The following CDK5RAP3 variants were observed in gnomAD, a reference collection of about 807,000 sequenced individuals.
CDK5RAP3 encodes CDK5 regulatory subunit-associated protein 3.
CDK5RAP3 carries 58 observed loss-of-function variants against 73.3 expected under a neutral mutation model. That is an observed-to-expected ratio of 0.79 (90% confidence interval 0.64 to 0.98). The LOEUF (loss-of-function observed/expected upper bound fraction) is 0.98. Among genes scored for constraint, CDK5RAP3 ranks in the 50% least tolerant of loss-of-function variants. The pLI is 0.00. For synonymous variants in CDK5RAP3, 224 were observed against 247.5 expected (o/e 0.91, Z 0.89); for missense variants, 525 against 615.8 (o/e 0.85, Z 1.56).
At chr17:47,968,513 G>GT (rs1209476720), upstream of CDK5RAP3, among the ~76,000 whole-genome samples, 2 of 146,778 alleles carry the variant, frequency 1.4e-5, no homozygotes, top group African/African-American at 2.5e-5. Flanking sequence ...TTGTTTGTTT[G>GT]TTTTTTGTTT....
chr17:47,970,428 C>T (rs913379030), upstream of CDK5RAP3: 1 of 521,900 alleles, frequency 1.9e-6, no homozygotes, highest in Non-Finnish European at 3.4e-6. Flanking sequence ...GTTGCTTGCA[C>T]CCCTCTTGCA....
Position 47,980,967 on chromosome 17 carries a change from A to G in CDK5RAP3, c.1283+169A>G, listed in dbSNP as rs577074105. The G allele has an allele frequency of 3.0e-4, 257 of 853,890 alleles. No homozygotes were observed. The African/African-American group carries it at 3.9e-3, about 13-fold the overall frequency. 52.9% of individuals were successfully genotyped at this position (853,890 alleles called of 1,614,324 possible). The stretch of plus-strand genomic sequence containing the variant: ...CAAGAGGGGGAGGTTTCACATATAC[A>G]GGAAGAATCTGCTTGCTTCCTGAGT... On this transcript the variant is annotated intron_variant, in intron 12 of 13. Transcript: ENST00000338399.
rs1324933213 is a variant in CDK5RAP3, at chr17:47,975,635, T to C, written c.635T>C (p.Val212Ala). ...GEAIDVYQAS[V>A]GFVCESPTEQ... Reference sequence around the variant, plus strand: ...GCCATTGACGTGTACCAGGCGTCTGTGGGGTTTGTGTGTGAGAGGTAGAGA... The same window carrying C: ...GCCATTGACGTGTACCAGGCGTCTGCGGGGTTTGTGTGTGAGAGGTAGAGA... The change falls in exon 7 of 14, where the codon GTG (valine) becomes GCG (alanine). Residue 212 changes from valine (V) to alanine (A), a missense_variant. Val to Ala is a moderately conservative substitution (Grantham distance 64). This residue lies in a region of CDK5RAP3 where 409 missense variants were observed against 429.8 expected (regional missense o/e 0.95). Coordinates refer to ENST00000338399, the MANE Select transcript of CDK5RAP3 (RefSeq NM_176096.3). 1 of 1,602,916 alleles carries C rather than the reference T, an allele frequency of 6.2e-7. No individual in the cohort carries two copies. Among genetic ancestry groups the C allele is most frequent in the Non-Finnish European group, 8.5e-7 (1 of 1,178,516 alleles).
In CDK5RAP3 at chr17:47,975,662, G is replaced by A. The variant is rs745875058; in HGVS notation, c.653+9G>A. ...GGGTTTGTGTGTGAGAGGTAGAGAG[G>A]CCTCAGCTTCTCCTGGTGGGGGTGC... On this transcript the variant is annotated intron_variant, in intron 7 of 13. Transcript: ENST00000338399. 9.4e-6 allele frequency: 15 copies of A among 1,589,226 alleles called. No individual in the cohort carries two copies. In the East Asian group the frequency reaches 3.4e-4, roughly 36 times the overall value.
rs184622940 is a variant in CDK5RAP3, at chr17:47,976,731, G to A, written c.818G>A (p.Gly273Glu). 1.9e-6 allele frequency: 3 copies of A among 1,612,090 alleles called. No individual in the cohort carries two copies. The highest frequency in any genetic ancestry group is 2.2e-5 in the East Asian group (1 of 44,816). ...TTCCAGATTGACTGGGGCGACTTTG[G>A]GGTAGAGGCAGTGTCTGAGGGGACT... The part of the protein sequence containing the change: ...AEDAIDWGDF[G>E]VEAVSEGTDS... Residue 273 changes from glycine to glutamate, a missense_variant, in exon 9 of 14, where the codon GGG (glycine) becomes GAG (glutamate). Physicochemically the swap from Gly to Glu is moderately conservative, Grantham distance 98. Transcript: ENST00000338399.
chr17:47,970,944 C>T, upstream of CDK5RAP3: 1 of 1,452,834 alleles, frequency 6.9e-7, no homozygotes, highest in Non-Finnish European at 9.0e-7. Context: ...CCCGCCCCTC[C>T]CGAGCTCAGC....
At chr17:47,974,983 G>T in intron 5 of CDK5RAP3, 176 bp from the exon 6 acceptor site, 1 of 1,487,852 alleles carries the variant, frequency 6.7e-7, no homozygotes, top group Non-Finnish European at 8.9e-7. Context: ...CTGTTTTACC[G>T]ATGAGGGTTG....
At position 47,974,418 on chromosome 17, in the gene CDK5RAP3, G is replaced by T. The variant is rs750889798; in HGVS notation, c.304G>T (p.Ala102Ser). The T allele has an allele frequency of 3.1e-6, 5 of 1,614,150 alleles. No homozygotes were observed. The East Asian group carries it at 1.1e-4, about 36-fold the overall frequency. Reference protein sequence around the residue: ...QRMKDWQEIIALYEKDNTYLV... With the variant: ...QRMKDWQEIISLYEKDNTYLV... ...TACTCAGGATTGGCAGGAGATTATAGCTCTGTATGAGAAGGACAACACCTA... is the reference window on the plus strand; with the variant it reads ...TACTCAGGATTGGCAGGAGATTATATCTCTGTATGAGAAGGACAACACCTA... Residue 102 changes from alanine (A) to serine (S), a missense_variant, in exon 5 of 14, where the codon GCT becomes TCT. By Grantham distance (99) the Ala-to-Ser change is moderately conservative. Coordinates refer to ENST00000338399, the MANE Select transcript of CDK5RAP3 (RefSeq NM_176096.3).
intron 8 of CDK5RAP3, 89 bp downstream of exon 8, chr17:47,976,102 GAGA>G (rs375057469): frequency 2.6e-5 from 38 of 1,469,024 alleles, no homozygotes; most frequent in East Asian, 2.5e-4. Context: ...AAGACCCAGA[GAGA>G]AGAAGGGAGG....
In CDK5RAP3 at chr17:47,975,593, A is replaced by T. The variant is rs1452458726; in HGVS notation, c.593A>T (p.Gln198Leu). 6.2e-7 allele frequency: 1 copy of T among 1,609,388 alleles called. No individual in the cohort carries two copies. Among genetic ancestry groups the T allele is most frequent in the South Asian group, 1.1e-5 (1 of 91,066 alleles). ...SQLAEIGAAA[Q>L]QSLGEAIDVY... ...CTGGCTGAGATTGGGGCAGCGGCTC[A>T]GCAGTCCCTGGGGGAAGCCATTGAC... is the stretch of plus-strand genomic sequence containing the variant. Residue 198 changes from glutamine to leucine, a missense_variant, in exon 7 of 14, where the codon CAG becomes CTG. Physicochemically the swap from Gln to Leu is moderately radical, Grantham distance 113. Transcript: ENST00000338399.
chr17:47,971,247 C>A, intron 1 of CDK5RAP3, 95 bp downstream of exon 1: 1 of 1,533,022 alleles, frequency 6.5e-7, no homozygotes, highest in Admixed American at 2.0e-5. Context: ...CCCAGCCCAT[C>A]GCTCTGGCCC....
In CDK5RAP3 at chr17:47,975,837, G is replaced by A. The variant is rs200409765; in HGVS notation, c.654-32G>A. The A allele has an allele frequency of 5.0e-4, 811 of 1,613,608 alleles. 5 individuals are homozygous for A. The highest frequency in any genetic ancestry group is 3.3e-4 in the Non-Finnish European group (385 of 1,179,692). On this transcript the variant is annotated intron_variant, in intron 7 of 13. Coordinates refer to ENST00000338399, the MANE Select transcript of CDK5RAP3 (RefSeq NM_176096.3). ...CCCAGTGTTGGCCTTACGCATGGTC[G>A]GCAGGAGAGTCAGTTGTGTGCTCTG...
At chr17:47,974,923 G>A (rs1318227607) in intron 5 of CDK5RAP3, 4 of 1,402,730 alleles carry the variant, frequency 2.9e-6, no homozygotes, top group Non-Finnish European at 1.9e-6. Flanking sequence ...ATTGTGCTTG[G>A]TGTGTCATGT....
At chr17:47,980,308 G>A (rs75063958) in intron 11 of CDK5RAP3, 9,875 of 294,114 alleles carry the variant, frequency 0.034, 238 homozygotes, top group Middle Eastern at 0.093. Context: ...TTTCTCTGTC[G>A]CCCAGTCTGG....
intron 10 of CDK5RAP3, 83 bp downstream of exon 10, chr17:47,977,993 T>A: frequency 2.1e-6 from 2 of 964,226 alleles, no homozygotes; most frequent in African/African-American, 1.6e-5. Context: ...AATGCAGCGC[T>A]AAGATGAGGC....
upstream of CDK5RAP3, among the ~76,000 whole-genome samples, chr17:47,969,110 T>C (rs2144202374): frequency 6.6e-6 from 1 of 152,320 alleles, no homozygotes; most frequent in South Asian, 2.1e-4. Context: ...AAACTGTGGC[T>C]ATCAGATAGG....
chr17:47,969,041 T>C (rs989715664), upstream of CDK5RAP3, among the ~76,000 whole-genome samples: 1 of 152,216 alleles, frequency 6.6e-6, no homozygotes, highest in Non-Finnish European at 1.5e-5. Flanking sequence ...CTAGTGTGTT[T>C]ATTTAAGCCT....
At chr17:47,974,511 A>T in intron 5 of CDK5RAP3, 63 bp downstream of exon 5, 1 of 1,613,458 alleles carries the variant, frequency 6.2e-7, no homozygotes, top group East Asian at 2.2e-5. Flanking sequence ...GAGTTCTGAG[A>T]TACCAGGCTT....
chr17:47,970,591 C>T, upstream of CDK5RAP3: 1 of 1,388,872 alleles, frequency 7.2e-7, no homozygotes, highest in Non-Finnish European at 9.9e-7. Flanking sequence ...CTTCCCTGCC[C>T]TAATCGCCCA....
Sources: gnomAD v4.1 joint callset for allele counts (sites outside exome capture counted in the v4.1 genomes callset) on GRCh38, gnomAD v4.1.1 for gene constraint, gnomAD v4.1.1 regional missense constraint, MANE v1.5 for transcripts, NCBI Gene and HGNC (gene_info 2026-07-23, HGNC 2026-07-21) for gene names.